The following KCNAB1 variants were observed in gnomAD, a reference collection of about 807,000 sequenced individuals.
KCNAB1 encodes potassium voltage-gated channel subfamily A regulatory beta subunit 1.
A neutral mutation model predicts 64.6 loss-of-function variants in KCNAB1; 35 were observed. The observed-to-expected ratio is 0.54, with a 90% CI of 0.41 to 0.72. KCNAB1 has a LOEUF of 0.72. KCNAB1 is among the 30% of genes least tolerant of loss of function. The pLI is 0.00. For missense variants in KCNAB1, 401 were observed against 512.9 expected (o/e 0.78, Z 2.11); for synonymous variants, 177 against 183.8 (o/e 0.96, Z 0.30).
At chr3:156,518,999 A>G (rs1028457461) in intron 11 of KCNAB1, among the ~76,000 whole-genome samples, 8 of 152,160 alleles carry the variant, frequency 5.3e-5, no homozygotes, top group African/African-American at 1.7e-4. Context: ...GCATTACCTC[A>G]GACTGCCTCC....
intron 1 of KCNAB1, among the ~76,000 whole-genome samples, chr3:156,138,570 A>G (rs997757935): frequency 6.6e-6 from 1 of 152,250 alleles, no homozygotes; most frequent in African/African-American, 2.4e-5. Flanking sequence ...GGTGTTTGCT[A>G]TATTCCAAGA....
chr3:156,473,994 A>G (rs1714148536), intron 7 of KCNAB1, among the ~76,000 whole-genome samples: 2 of 152,140 alleles, frequency 1.3e-5, no homozygotes, highest in Admixed American at 6.6e-5. Flanking sequence ...AATGTGACCA[A>G]ATGGTTAGGG....
Position 156,265,432 on chromosome 3 carries a change from A to G in KCNAB1, c.275+144546A>G, listed in dbSNP as rs536603954. Among the ~76,000 whole-genome samples the G allele has an allele frequency of 3.9e-5, 6 of 152,232 alleles. No homozygotes were observed. In the East Asian group the frequency reaches 5.8e-4, roughly 15 times the overall value. ...CATCCCTGGGTCAATGCTGCTCCCA[A>G]AGAGGCCCTGATTCAGTGGGCCATT... is the stretch of plus-strand genomic sequence containing the variant. On this transcript the variant is annotated intron_variant, in intron 1 of 13. Coordinates refer to ENST00000490337, the MANE Select transcript of KCNAB1 (RefSeq NM_172160.3).
chr3:156,405,377 T>C (rs1377997049), intron 1 of KCNAB1, among the ~76,000 whole-genome samples: 2 of 152,242 alleles, frequency 1.3e-5, no homozygotes, highest in African/African-American at 4.8e-5. Context: ...TCTGTGTCCA[T>C]CTTCACAAGG....
intron 8 of KCNAB1, among the ~76,000 whole-genome samples, chr3:156,480,436 A>G (rs2108330209): frequency 6.6e-6 from 1 of 152,078 alleles, no homozygotes. Flanking sequence ...CATGCAGGGT[A>G]TAAAGCCTAG....
intron 1 of KCNAB1, among the ~76,000 whole-genome samples, chr3:156,302,109 C>T (rs560431456): frequency 1.1e-4 from 16 of 152,326 alleles, no homozygotes; most frequent in Admixed American, 2.0e-4. Flanking sequence ...AGGTTACCTG[C>T]ATTCCTTGAC....
chr3:156,390,749 A>ATT (rs367822446), intron 1 of KCNAB1, among the ~76,000 whole-genome samples: 5 of 151,238 alleles, frequency 3.3e-5, no homozygotes, highest in African/African-American at 1.2e-4. Context: ...TGCCCGGCTA[A>ATT]TTTTTTTTTG....
chr3:156,413,732 C>T (rs923010122), intron 1 of KCNAB1, among the ~76,000 whole-genome samples: 5 of 152,192 alleles, frequency 3.3e-5, no homozygotes, highest in African/African-American at 4.8e-5. Flanking sequence ...CACAGCAAAG[C>T]GATAGCATTA....
chr3:156,464,485 AAAT>A (rs796291673), intron 6 of KCNAB1, among the ~76,000 whole-genome samples: 9 of 147,782 alleles, frequency 6.1e-5, no homozygotes, highest in Admixed American at 2.0e-4. Flanking sequence ...AATCGCAAAA[AAAT>A]AATAATAATA....
At chr3:156,154,273 C>T (rs1715587144) in intron 1 of KCNAB1, among the ~76,000 whole-genome samples, 1 of 152,280 alleles carries the variant, frequency 6.6e-6, no homozygotes, top group East Asian at 1.9e-4. Context: ...GAGCCATGGG[C>T]CTCTCCTTCT....
intron 8 of KCNAB1, among the ~76,000 whole-genome samples, chr3:156,513,620 C>G (rs557319322): frequency 1.3e-5 from 2 of 152,312 alleles, no homozygotes; most frequent in African/African-American, 2.4e-5. Flanking sequence ...AGGATTTGCT[C>G]AGCTCCATCC....
intron 1 of KCNAB1, among the ~76,000 whole-genome samples, chr3:156,220,753 G>A (rs1322801607): frequency 1.3e-5 from 2 of 152,270 alleles, no homozygotes; most frequent in East Asian, 1.9e-4. Flanking sequence ...GGCTTTTATT[G>A]CCATTGCTTT....
chr3:156,176,109 C>G, intron 1 of KCNAB1: 3 of 768,186 alleles, frequency 3.9e-6, no homozygotes, highest in Non-Finnish European at 7.3e-6. Flanking sequence ...TTACACACCT[C>G]TCTTTGGGGG....
At chr3:156,338,303 C>CTCTTTTT (rs1723859893) in intron 1 of KCNAB1, among the ~76,000 whole-genome samples, 1 of 39,488 alleles carries the variant, frequency 2.5e-5, no homozygotes, top group African/African-American at 8.8e-5. Context: ...GGCATTTGCA[C>CTCTTTTT]TTTTTTTTTT....
At chr3:156,257,654 A>G (rs1459331190) in intron 1 of KCNAB1, among the ~76,000 whole-genome samples, 1 of 152,188 alleles carries the variant, frequency 6.6e-6, no homozygotes, top group South Asian at 2.1e-4. Context: ...TTTATAATGT[A>G]TCCCCATGAT....
At chr3:156,482,051 G>A (rs577086108) in intron 8 of KCNAB1, among the ~76,000 whole-genome samples, 1 of 152,196 alleles carries the variant, frequency 6.6e-6, no homozygotes, top group South Asian at 2.1e-4. Context: ...AAGCTGCAGG[G>A]CTGCACAGGA....
intron 8 of KCNAB1, among the ~76,000 whole-genome samples, chr3:156,501,310 T>C (rs1441427760): frequency 6.6e-6 from 1 of 151,942 alleles, no homozygotes; most frequent in Non-Finnish European, 1.5e-5. Flanking sequence ...TTAAAAGATG[T>C]GCAAGGAGTA....
chr3:156,264,672 GTATTA>G (rs1190342097), intron 1 of KCNAB1, among the ~76,000 whole-genome samples: 1 of 151,788 alleles, frequency 6.6e-6, no homozygotes, highest in East Asian at 1.9e-4. Context: ...CTTATCCTTT[GTATTA>G]TATTTTGTAA....
At chr3:156,265,573 G>C (rs1340349500) in intron 1 of KCNAB1, among the ~76,000 whole-genome samples, 1 of 152,172 alleles carries the variant, frequency 6.6e-6, no homozygotes, top group Admixed American at 6.5e-5. Context: ...GCCTCTGTGT[G>C]GGGTATGGGC....
Sources: allele counts gnomAD v4.1 joint callset (sites outside exome capture counted in the v4.1 genomes callset), GRCh38; gene constraint gnomAD v4.1.1; transcripts MANE v1.5; gene names NCBI Gene and HGNC (gene_info 2026-07-23, HGNC 2026-07-21).